Variants in ATF6 observed in about 807,000 individuals in gnomAD.
The protein encoded by ATF6 is cyclic AMP-dependent transcription factor ATF-6 alpha.
ATF6 carries 53 observed loss-of-function variants against 83.6 expected under a neutral mutation model. The ratio of observed to expected loss-of-function variants is 0.63; its 90% CI spans 0.51 to 0.80. The LOEUF (loss-of-function observed/expected upper bound fraction) is 0.80. Among genes scored for constraint, ATF6 ranks in the 30% least tolerant of loss-of-function variants. The pLI is 0.00. For missense variants in ATF6, 744 were observed against 797.9 expected (o/e 0.93, Z 0.81); for synonymous variants, 288 against 285.8 (o/e 1.01, Z -0.08).
intron 14 of ATF6, among the ~76,000 whole-genome samples, chr1:161,910,952 C>T (rs1224894484): frequency 1.3e-5 from 2 of 152,160 alleles, no homozygotes; most frequent in Non-Finnish European, 2.9e-5. Flanking sequence ...ACACAAAATA[C>T]AAGCAGTTAC....
At chr1:161,916,239 A>C (rs1045721435) in intron 15 of ATF6, among the ~76,000 whole-genome samples, 8 of 152,182 alleles carry the variant, frequency 5.3e-5, no homozygotes, top group Non-Finnish European at 2.9e-5. Context: ...ACAGCTAACT[A>C]TTCCCTCTTT....
intron 7 of ATF6, among the ~76,000 whole-genome samples, chr1:161,808,866 T>C (rs574415861): frequency 2.0e-5 from 3 of 152,218 alleles, no homozygotes; most frequent in South Asian, 4.1e-4. Context: ...CCACCATGCC[T>C]GGTCTTTTTC....
At chr1:161,864,874 G>C (rs1439198929) in intron 14 of ATF6, among the ~76,000 whole-genome samples, 2 of 152,088 alleles carry the variant, frequency 1.3e-5, no homozygotes, top group African/African-American at 2.4e-5. Flanking sequence ...CAAAGTAGGA[G>C]AAAAAAAGTA....
intron 14 of ATF6, among the ~76,000 whole-genome samples, chr1:161,887,417 A>G (rs1173873138): frequency 6.6e-6 from 1 of 152,150 alleles, no homozygotes; most frequent in Non-Finnish European, 1.5e-5. Flanking sequence ...AGTGTTCATA[A>G]GCGGTAAATA....
intron 15 of ATF6, among the ~76,000 whole-genome samples, chr1:161,932,931 G>A (rs554825101): frequency 1.3e-5 from 2 of 152,246 alleles, no homozygotes; most frequent in African/African-American, 4.8e-5. Context: ...TGCCATATGC[G>A]CCTCTCTATG....
rs1372404310 is a variant in ATF6, at chr1:161,913,843, A to G, written c.1804+1463A>G. On this transcript the variant is annotated intron_variant, in intron 15 of 15. Transcript: ENST00000367942. Reference sequence around the variant, plus strand: ...TCAGAAAGGCTATTTTCTAAGCTTTATCAAGGCAGAATTCACTTAATTTTG... The same window carrying G: ...TCAGAAAGGCTATTTTCTAAGCTTTGTCAAGGCAGAATTCACTTAATTTTG... Among the ~76,000 whole-genome samples the G allele has an allele frequency of 4.6e-5, 7 of 152,354 alleles. No individual in the cohort carries two copies. The South Asian group carries it at 6.2e-4, about 14-fold the overall frequency.
chr1:161,831,138 A>G (rs530784111), intron 9 of ATF6, among the ~76,000 whole-genome samples: 4 of 152,358 alleles, frequency 2.6e-5, no homozygotes, highest in Non-Finnish European at 5.9e-5. Context: ...GGTGAAGGAT[A>G]TGAACAGACA....
rs759324557 is a variant in ATF6, at chr1:161,782,015, A to G, written c.247+16A>G. 11 of 1,547,406 alleles carry G rather than the reference A, an allele frequency of 7.1e-6. No individual in the cohort carries two copies. The South Asian group carries it at 1.3e-4, about 18-fold the overall frequency. ...ATCTGTACAGGTAATTATGTGTTTC[A>G]CTGGTAAAAGTTTTAAAAAGATCAA... On this transcript the variant is annotated intron_variant, in intron 3 of 15. Coordinates refer to ENST00000367942, the MANE Select transcript of ATF6 (RefSeq NM_007348.4).
Position 161,846,688 on chromosome 1 carries a change from G to C in ATF6, c.1319+108G>C. 2.7e-6 allele frequency: 3 copies of C among 1,113,942 alleles called. No homozygotes were observed. In the South Asian group the frequency reaches 7.6e-5, roughly 28 times the overall value. The allele number at this position is 1,113,942 out of a possible 1,614,324, so 69.0% of individuals were successfully genotyped here. A position where few individuals can be genotyped will look rare whatever the true frequency, so the allele number is the denominator to read the frequency against. On this transcript the variant is annotated intron_variant, in intron 10 of 15. Coordinates refer to ENST00000367942, the MANE Select transcript of ATF6 (RefSeq NM_007348.4). ...TCTAAATTGTTCGTGTATATTTTGA[G>C]TAGTAGAACACATAAATTACTGAAA...
At chr1:161,863,360 G>A (rs754722383) in intron 14 of ATF6, 48 bp downstream of exon 14, 29 of 1,218,862 alleles carry the variant, frequency 2.4e-5, no homozygotes, top group African/African-American at 1.2e-4. Flanking sequence ...AGTGCTTGCC[G>A]TACACAAGAC....
intron 14 of ATF6, among the ~76,000 whole-genome samples, chr1:161,886,090 G>A (rs1163944112): frequency 2.6e-5 from 4 of 152,192 alleles, no homozygotes; most frequent in Non-Finnish European, 1.5e-5. Flanking sequence ...GTTGGTTATA[G>A]AAGGATGAGT....
At chr1:161,953,869 C>T (rs1217207325) in intron 15 of ATF6, among the ~76,000 whole-genome samples, 1 of 152,124 alleles carries the variant, frequency 6.6e-6, no homozygotes, top group Non-Finnish European at 1.5e-5. Flanking sequence ...TTAAGGGAGC[C>T]AAACTTCATT....
At chr1:161,939,754 A>G (rs1049565139) in intron 15 of ATF6, among the ~76,000 whole-genome samples, 15 of 152,230 alleles carry the variant, frequency 9.9e-5, no homozygotes, top group African/African-American at 3.1e-4. Flanking sequence ...TTTAGGACTC[A>G]GAAGTTAAAC....
chr1:161,823,288 G>A (rs183006591), intron 9 of ATF6, among the ~76,000 whole-genome samples: 13 of 152,138 alleles, frequency 8.5e-5, no homozygotes, highest in Admixed American at 2.6e-4. Flanking sequence ...CAAAAATTTA[G>A]TGAGATACAG....
At chr1:161,786,410 C>A (rs1423220517) in intron 4 of ATF6, among the ~76,000 whole-genome samples, 1 of 151,940 alleles carries the variant, frequency 6.6e-6, no homozygotes, top group Non-Finnish European at 1.5e-5. Flanking sequence ...CCCAATTTTT[C>A]TTTTGTCTCT....
At chr1:161,814,398 G>A (rs1685558936) in intron 7 of ATF6, among the ~76,000 whole-genome samples, 1 of 152,210 alleles carries the variant, frequency 6.6e-6, no homozygotes, top group South Asian at 2.1e-4. Context: ...TCATTCAGAA[G>A]ATGAGATTGG....
rs191978195 is a variant in ATF6, at chr1:161,853,797, G to T, written c.1533+474G>T. ...TCTTACTTAGAATCTGTTAAGTGGG[G>T]GTTCCATCTCAATGTTGTTTGCCAC... On this transcript the variant is annotated intron_variant, in intron 12 of 15. Coordinates refer to ENST00000367942, the MANE Select transcript of ATF6 (RefSeq NM_007348.4). Among the ~76,000 whole-genome samples, 213 of 152,212 alleles carry T rather than the reference G, an allele frequency of 1.4e-3. 2 individuals are homozygous for T. The highest frequency in any genetic ancestry group is 9.9e-3 in the East Asian group (51 of 5,176).
intron 11 of ATF6, among the ~76,000 whole-genome samples, chr1:161,852,797 C>T (rs1686662895): frequency 6.6e-6 from 1 of 151,930 alleles, no homozygotes; most frequent in African/African-American, 2.4e-5. Flanking sequence ...AAAAAATTTT[C>T]TGTAGAGACA....
intron 15 of ATF6, among the ~76,000 whole-genome samples, chr1:161,932,030 A>AT (rs1055243681): frequency 2.2e-4 from 33 of 151,988 alleles, no homozygotes; most frequent in African/African-American, 7.0e-4. Flanking sequence ...AGGAACCAAC[A>AT]TTTTTTTTGG....
Sources: allele counts gnomAD v4.1 joint callset (sites outside exome capture counted in the v4.1 genomes callset), GRCh38; gene constraint gnomAD v4.1.1; transcripts MANE v1.5; gene names NCBI Gene and HGNC (gene_info 2026-07-23, HGNC 2026-07-21).